CLSTN2: variants seen among roughly 807,000 people sequenced by gnomAD.
CLSTN2 encodes calsyntenin-2.
In CLSTN2, 48 loss-of-function variants were observed where a neutral mutation model predicts 101.2. The ratio of observed to expected loss-of-function variants is 0.47; its 90% CI spans 0.38 to 0.60. The LOEUF (loss-of-function observed/expected upper bound fraction) is 0.60. Among genes scored for constraint, CLSTN2 ranks in the 20% least tolerant of loss-of-function variants. The probability of loss-of-function intolerance (pLI) is 0.00; values close to 1 mark genes in which losing one functional copy is unlikely to be tolerated. For missense variants in CLSTN2, 1,160 were observed against 1,238.2 expected, an observed-to-expected ratio of 0.94 and a Z score of 0.95; for synonymous variants, 481 against 463.6, an observed-to-expected ratio of 1.04 and a Z score of -0.48.
At chr3:140,338,504 C>T (rs1188964321) in intron 2 of CLSTN2, among the ~76,000 whole-genome samples, 1 of 152,164 alleles carries the variant, frequency 6.6e-6, no homozygotes, top group Non-Finnish European at 1.5e-5. Context: ...AGAGTAATGC[C>T]ATCTTTCCCA....
At chr3:140,560,100 T>C (rs938831621) in intron 12 of CLSTN2, among the ~76,000 whole-genome samples, 1 of 152,206 alleles carries the variant, frequency 6.6e-6, no homozygotes. Flanking sequence ...ATTATCTGGG[T>C]TCACATTTCG....
chr3:140,504,451 G>A (rs908668966), intron 8 of CLSTN2, among the ~76,000 whole-genome samples: 4 of 152,012 alleles, frequency 2.6e-5, no homozygotes, highest in Non-Finnish European at 5.9e-5. Context: ...TGAACACTCT[G>A]CATTTTTATG....
intron 2 of CLSTN2, among the ~76,000 whole-genome samples, chr3:140,180,990 A>G (rs1164098199): frequency 6.6e-6 from 1 of 152,162 alleles, no homozygotes; most frequent in East Asian, 1.9e-4. Flanking sequence ...AGACCCTCCC[A>G]CAGGGATTGG....
chr3:140,557,564 T>G (rs1032342719), intron 11 of CLSTN2, among the ~76,000 whole-genome samples: 2 of 152,136 alleles, frequency 1.3e-5, no homozygotes, highest in African/African-American at 4.8e-5. Flanking sequence ...TCGGGAGTGC[T>G]GTGGGGTTGG....
intron 2 of CLSTN2, among the ~76,000 whole-genome samples, chr3:140,224,241 A>C (rs1447144686): frequency 2.0e-5 from 3 of 152,192 alleles, no homozygotes; most frequent in Non-Finnish European, 1.5e-5. Context: ...GAATCATTTA[A>C]CCATTGTAAT....
chr3:140,197,317 G>A (rs1576463720), intron 2 of CLSTN2, among the ~76,000 whole-genome samples: 1 of 152,116 alleles, frequency 6.6e-6, no homozygotes, highest in East Asian at 1.9e-4. Flanking sequence ...AAAAATCATA[G>A]CCATTTCCAG....
chr3:140,234,246 G>A (rs2086396475), intron 2 of CLSTN2, among the ~76,000 whole-genome samples: 1 of 152,124 alleles, frequency 6.6e-6, no homozygotes, highest in African/African-American at 2.4e-5. Flanking sequence ...GTTCATTAAG[G>A]AAAAGATCTT....
chr3:140,467,059 C>G (rs1055349016), intron 8 of CLSTN2, among the ~76,000 whole-genome samples: 4 of 152,174 alleles, frequency 2.6e-5, no homozygotes, highest in African/African-American at 7.2e-5. Flanking sequence ...TCTCTGTTAG[C>G]ACATCTTTAA....
At chr3:140,275,763 C>G (rs1282561082) in intron 2 of CLSTN2, among the ~76,000 whole-genome samples, 1 of 152,132 alleles carries the variant, frequency 6.6e-6, no homozygotes, top group African/African-American at 2.4e-5. Flanking sequence ...ACACTCACCT[C>G]CAGCTAGGAA....
chr3:140,561,239 C>T (rs1233634867), intron 12 of CLSTN2, among the ~76,000 whole-genome samples: 1 of 152,092 alleles, frequency 6.6e-6, no homozygotes, highest in Non-Finnish European at 1.5e-5. Flanking sequence ...GACAACTAGC[C>T]TATCATCAGT....
chr3:140,041,357 G>T (rs1478357380), intron 1 of CLSTN2, among the ~76,000 whole-genome samples: 1 of 151,936 alleles, frequency 6.6e-6, no homozygotes, highest in East Asian at 1.9e-4. Flanking sequence ...TAACAGAGGG[G>T]TCAGCAGAAA....
intron 1 of CLSTN2, among the ~76,000 whole-genome samples, chr3:140,060,509 T>C (rs1211731819): frequency 6.6e-6 from 1 of 151,548 alleles, no homozygotes; most frequent in Admixed American, 6.6e-5. Flanking sequence ...AGGAAATCCC[T>C]GGTCCTCAGG....
At chr3:140,268,791 C>A (rs1402135666) in intron 2 of CLSTN2, among the ~76,000 whole-genome samples, 4 of 152,290 alleles carry the variant, frequency 2.6e-5, no homozygotes, top group East Asian at 1.9e-4. Flanking sequence ...AATCTGTGTC[C>A]TGGCTTTGAT....
intron 1 of CLSTN2, among the ~76,000 whole-genome samples, chr3:139,997,803 T>G (rs192025099): frequency 0.02 from 2,983 of 152,302 alleles, 36 homozygotes; most frequent in Middle Eastern, 0.085. Context: ...TAGAGCCTCT[T>G]GAAAAAAAAT....
At chr3:140,487,390 A>G (rs1014624355) in intron 8 of CLSTN2, among the ~76,000 whole-genome samples, 1 of 152,198 alleles carries the variant, frequency 6.6e-6, no homozygotes, top group South Asian at 2.1e-4. Context: ...GAACAGCCCA[A>G]TAGAGGCTTT....
At chr3:140,105,314 A>T (rs1202052025) in intron 1 of CLSTN2, among the ~76,000 whole-genome samples, 1 of 152,228 alleles carries the variant, frequency 6.6e-6, no homozygotes, top group African/African-American at 2.4e-5. Flanking sequence ...AGCAATGCTG[A>T]TGCCCAAGTG....
rs1345701629 is a variant in CLSTN2, at chr3:140,491,901, T to C, written c.1344+25170T>C. 2.6e-5 allele frequency among the ~76,000 whole-genome samples: 4 copies of C among 152,214 alleles called. No individual in the cohort carries two copies. The East Asian group carries it at 5.8e-4, about 22-fold the overall frequency. On this transcript the variant is annotated intron_variant, in intron 8 of 16. Transcript: ENST00000458420. ...GAAGAGGTATGTGAATTTGTTCATTTACTTAACAAATACTTCCTTTGGGAG... is the reference window on the plus strand; with the variant it reads ...GAAGAGGTATGTGAATTTGTTCATTCACTTAACAAATACTTCCTTTGGGAG...
Position 140,287,228 on chromosome 3 carries a change from G to A in CLSTN2, c.232+111155G>A, listed in dbSNP as rs995279004. Among the ~76,000 whole-genome samples the A allele has an allele frequency of 5.9e-5, 9 of 152,090 alleles. No homozygotes were observed. The South Asian group carries it at 6.2e-4, about 11-fold the overall frequency. ...AAGCAGTAAATTACTGATACAACAC[G>A]GATGAATCTCAAAATCATTATGCTG... On this transcript the variant is annotated intron_variant, in intron 2 of 16. Transcript: ENST00000458420.
Position 140,269,330 on chromosome 3 carries a change from C to T in CLSTN2, c.232+93257C>T, listed in dbSNP as rs111259927. On this transcript the variant is annotated intron_variant, in intron 2 of 16. Coordinates refer to ENST00000458420, the MANE Select transcript of CLSTN2 (RefSeq NM_022131.3). ...GAAAACATTATTGGGCCAAATGAAC[C>T]GAGCTGAACATTTGCATTAATTAAA... Among the ~76,000 whole-genome samples, 973 of 152,264 alleles carry T rather than the reference C, an allele frequency of 6.4e-3. 9 individuals carry two copies. Among genetic ancestry groups the T allele is most frequent in the Non-Finnish European group, 9.6e-3 (655 of 68,022 alleles).
Sources: gnomAD v4.1 joint callset for allele counts (sites outside exome capture counted in the v4.1 genomes callset) on GRCh38, gnomAD v4.1.1 for gene constraint, MANE v1.5 for transcripts, NCBI Gene and HGNC (gene_info 2026-07-23, HGNC 2026-07-21) for gene names.